Variants in SRD5A2 observed in about 807,000 individuals in gnomAD.
SRD5A2 encodes 3-oxo-5-alpha-steroid 4-dehydrogenase 2.
SRD5A2 carries 30 observed loss-of-function variants against 27.4 expected under a neutral mutation model. That is an observed-to-expected ratio of 1.10 (90% confidence interval 0.82 to 1.49). The LOEUF (loss-of-function observed/expected upper bound fraction) is 1.49. Ranked by LOEUF, SRD5A2 falls within the 40% of genes most tolerant of loss-of-function variation. SRD5A2 has a pLI of 0.00. For missense variants in SRD5A2, 348 were observed against 323.4 expected (o/e 1.08, Z -0.58); for synonymous variants, 141 against 133.6 (o/e 1.06, Z -0.38).
intron 1 of SRD5A2, among the ~76,000 whole-genome samples, chr2:31,575,137 C>G (rs1315802008): frequency 2.0e-5 from 3 of 151,924 alleles, no homozygotes; most frequent in African/African-American, 7.3e-5. Context: ...TTTTCTTAAT[C>G]TCTAAGAGGA....
chr2:31,555,925 T>A (rs978516975), intron 1 of SRD5A2, among the ~76,000 whole-genome samples: 29 of 152,180 alleles, frequency 1.9e-4, no homozygotes, highest in Admixed American at 1.8e-3. Context: ...GGCAATATAG[T>A]GAGATCATAT....
the SRD5A2 span, among the ~76,000 whole-genome samples, chr2:31,586,112 T>C: frequency 1.3e-5 from 2 of 152,150 alleles, no homozygotes; most frequent in Admixed American, 1.3e-4. Flanking sequence ...GATAAGTTCT[T>C]AGTGGTGATT....
chr2:31,564,619 T>C (rs1666692709), intron 1 of SRD5A2, among the ~76,000 whole-genome samples: 1 of 151,872 alleles, frequency 6.6e-6, no homozygotes, highest in Admixed American at 6.6e-5. Context: ...TCAAATCCAG[T>C]GATAACATGA....
the SRD5A2 span, among the ~76,000 whole-genome samples, chr2:31,603,991 T>C: frequency 2.6e-5 from 4 of 151,952 alleles, no homozygotes; most frequent in South Asian, 2.1e-4. Flanking sequence ...CAAACCACCA[T>C]GACACACATT....
At chr2:31,583,626 AAACAAAAAAAAAGCAAAAAAAAAACC>A (rs1285591538), upstream of SRD5A2, among the ~76,000 whole-genome samples, 1,770 of 45,210 alleles carry the variant, frequency 0.039, 98 homozygotes, top group Admixed American at 0.15. Flanking sequence ...AAAAAAAAAA[AAACAAAAAAAAAGCAAAAAAAAAACC>A]AAAAAAAAAG....
chr2:31,583,652 C>CAAAAAAAAAAAGAAAAAAAAAAAA (rs1352139998), upstream of SRD5A2, among the ~76,000 whole-genome samples: 2 of 20,922 alleles, frequency 9.6e-5, no homozygotes, highest in African/African-American at 2.7e-4. Context: ...AAAAAAAAAC[C>CAAAAAAAAAAAGAAAAAAAAAAAA]AAAAAAAAAG....
the SRD5A2 span, among the ~76,000 whole-genome samples, chr2:31,613,405 A>G: frequency 2.0e-5 from 3 of 152,234 alleles, no homozygotes; most frequent in Admixed American, 6.5e-5. Flanking sequence ...CAACAGATAT[A>G]TGAAAAATGC....
the SRD5A2 span, among the ~76,000 whole-genome samples, chr2:31,617,968 C>T: frequency 6.6e-6 from 1 of 152,172 alleles, no homozygotes; most frequent in Non-Finnish European, 1.5e-5. Flanking sequence ...TCTACTGGTA[C>T]CAAGGTACTG....
intron 1 of SRD5A2, among the ~76,000 whole-genome samples, chr2:31,539,062 G>C (rs999858433): frequency 2.0e-5 from 3 of 152,096 alleles, no homozygotes; most frequent in African/African-American, 7.2e-5. Flanking sequence ...TTACTTCCAG[G>C]GGGGTGTGAA....
intron 1 of SRD5A2, among the ~76,000 whole-genome samples, chr2:31,554,357 C>A (rs1384204010): frequency 1.3e-5 from 2 of 152,176 alleles, no homozygotes; most frequent in Non-Finnish European, 2.9e-5. Context: ...GGTACTTGCC[C>A]TACCTAATAG....
At chr2:31,526,382 G>A (rs771777049) in intron 4 of SRD5A2, 120 bp from the exon 5 acceptor site, 19 of 688,210 alleles carry the variant, frequency 2.8e-5, no homozygotes, top group Non-Finnish European at 4.3e-5. Context: ...TGACTATTTC[G>A]ATGGTCACTT....
chr2:31,549,529 T>A, intron 1 of SRD5A2, among the ~76,000 whole-genome samples: 1 of 152,168 alleles, frequency 6.6e-6, no homozygotes, highest in Non-Finnish European at 1.5e-5. Flanking sequence ...AGTTCTATTA[T>A]GTGTATTTTG....
At chr2:31,601,610 C>T in the SRD5A2 span, among the ~76,000 whole-genome samples, 126 of 151,118 alleles carry the variant, frequency 8.3e-4, no homozygotes, top group African/African-American at 2.8e-3. Flanking sequence ...AGAGATACAA[C>T]GAAAAAACTT....
the SRD5A2 span, among the ~76,000 whole-genome samples, chr2:31,631,739 G>A: frequency 2.0e-5 from 3 of 152,192 alleles, no homozygotes; most frequent in Non-Finnish European, 2.9e-5. Context: ...ACTGCAGCCA[G>A]AGAGTTTGGC....
At chr2:31,588,573 A>T in the SRD5A2 span, among the ~76,000 whole-genome samples, 2 of 152,326 alleles carry the variant, frequency 1.3e-5, no homozygotes, top group South Asian at 2.1e-4. Context: ...TTTCCAAAAT[A>T]AAAGCTGAGG....
chr2:31,580,952 C>G, upstream of SRD5A2: 1 of 1,550,506 alleles, frequency 6.4e-7, no homozygotes, highest in Non-Finnish European at 8.7e-7. Flanking sequence ...AGAGCGCGGC[C>G]CCCGCAACCC....
chr2:31,613,214 G>C, the SRD5A2 span, among the ~76,000 whole-genome samples: 1 of 151,902 alleles, frequency 6.6e-6, no homozygotes, highest in Non-Finnish European at 1.5e-5. Flanking sequence ...GGAAACAACA[G>C]AATAAAGAGA....
intron 1 of SRD5A2, among the ~76,000 whole-genome samples, chr2:31,565,213 A>G (rs1326468165): frequency 6.6e-6 from 1 of 151,992 alleles, no homozygotes; most frequent in Non-Finnish European, 1.5e-5. Context: ...TAATGAATAA[A>G]CTGACAATAT....
At chr2:31,612,320 A>G in the SRD5A2 span, among the ~76,000 whole-genome samples, 19 of 151,872 alleles carry the variant, frequency 1.3e-4, no homozygotes, top group African/African-American at 4.3e-4. Flanking sequence ...AAAAAAGAAT[A>G]AACTATTGAG....
Sources: allele counts gnomAD v4.1 joint callset (sites outside exome capture counted in the v4.1 genomes callset), GRCh38; gene constraint gnomAD v4.1.1; transcripts MANE v1.5; gene names NCBI Gene and HGNC (gene_info 2026-07-23, HGNC 2026-07-21).